The following XYLT1 variants were observed in gnomAD, a reference collection of about 807,000 sequenced individuals.
XYLT1 encodes xylosyltransferase 1, also known as beta-D-xylosyltransferase 1.
A neutral mutation model predicts 91.3 loss-of-function variants in XYLT1; 36 were observed. The ratio of observed to expected loss-of-function variants is 0.39; its 90% CI spans 0.30 to 0.52. The LOEUF is 0.52. Ranked by LOEUF, XYLT1 falls within the 20% of genes least tolerant of loss-of-function variation. The pLI, the probability that XYLT1 is intolerant of heterozygous loss-of-function variation, is 0.68. For synonymous variants in XYLT1, 588 were observed against 532.0 expected, an observed-to-expected ratio of 1.11 and a Z score of -1.45; for missense variants, 1,242 against 1,284.5, an observed-to-expected ratio of 0.97 and a Z score of 0.51.
rs143957511 is a variant in XYLT1 at position 17,350,259 on chromosome 16, G to T, written c.402+7753C>A. Among the ~76,000 whole-genome samples, 736 of 152,306 alleles carry T rather than the reference G, an allele frequency of 4.8e-3. 4 individuals are homozygous for T. Among genetic ancestry groups the T allele is most frequent in the African/African-American group, 0.017 (703 of 41,574 alleles). ...GGTGAAGTCCACTCCCAACAAGAAG[G>T]GGGGAATGGTGATCTCAACACGATC... is the stretch of plus-strand genomic sequence containing the variant. On this transcript the variant is annotated intron_variant, in intron 2 of 11. Coordinates refer to ENST00000261381, the MANE Select transcript of XYLT1 (RefSeq NM_022166.4).
chr16:17,122,832 T>C (rs2030119708), intron 10 of XYLT1, among the ~76,000 whole-genome samples: 1 of 152,234 alleles, frequency 6.6e-6, no homozygotes. Context: ...CACCATTTGT[T>C]GAATAGGGTG....
Position 17,213,626 on chromosome 16 carries a change from C to CT in XYLT1, c.914-12973dup, listed in dbSNP as rs905505459. 1.3e-3 allele frequency among the ~76,000 whole-genome samples: 190 copies of CT among 148,980 alleles called. 1 individual carries two copies. The highest frequency in any genetic ancestry group is 3.0e-3 in the African/African-American group (123 of 40,778). On this transcript the variant is annotated intron_variant, in intron 3 of 11. Transcript: ENST00000261381. ...ATTGGAACAACCTTTCTTTTCTTTT[C>CT]TTTTTTTTTTGAGACTGAGTCTCGC...
At chr16:17,410,664 T>C (rs1158294456) in intron 1 of XYLT1, among the ~76,000 whole-genome samples, 2 of 151,306 alleles carry the variant, frequency 1.3e-5, no homozygotes. Context: ...TTTTTTTTTT[T>C]TGAGATGGAA....
intron 1 of XYLT1, among the ~76,000 whole-genome samples, chr16:17,419,800 G>A (rs1029836527): frequency 6.6e-6 from 1 of 151,642 alleles, no homozygotes; most frequent in African/African-American, 2.4e-5. Flanking sequence ...TAAATTGAAA[G>A]AGAGGGAGCC....
chr16:17,389,858 G>A (rs977704179), intron 1 of XYLT1, among the ~76,000 whole-genome samples: 1 of 152,068 alleles, frequency 6.6e-6, no homozygotes, highest in Non-Finnish European at 1.5e-5. Flanking sequence ...TAAATTTACC[G>A]ACAGCTTAAG....
rs539688732 is a variant in XYLT1, at chr16:17,271,146, CTGTTTTTTGTT to C, written c.403-11659_403-11649del. 3.9e-3 allele frequency among the ~76,000 whole-genome samples: 403 copies of C among 104,446 alleles called. 1 individual carries two copies. Among genetic ancestry groups the C allele is most frequent in the African/African-American group, 0.023 (367 of 15,862 alleles). The allele number at this position is 104,446 out of a possible 152,430, so 68.5% of individuals were successfully genotyped here. ...TTTTCTATGGAGAGAGGCCTCCTAA[CTGTTTTTTGTT>C]TGTTTGTTTGTTTGTTTGTTTTTAA... On this transcript the variant is annotated intron_variant, in intron 2 of 11. Transcript: ENST00000261381.
chr16:17,165,645 CTG>C (rs1171434514), intron 5 of XYLT1, among the ~76,000 whole-genome samples: 4 of 152,130 alleles, frequency 2.6e-5, no homozygotes, highest in African/African-American at 9.7e-5. Context: ...TGAGCCGAGA[CTG>C]TGCCATTGCA....
chr16:17,429,500 C>G (rs938603025), intron 1 of XYLT1, among the ~76,000 whole-genome samples: 6 of 152,180 alleles, frequency 3.9e-5, no homozygotes, highest in African/African-American at 1.4e-4. Context: ...GTTGTAGGGC[C>G]TCATGTCAAA....
At chr16:17,280,099 C>G (rs1175700420) in intron 2 of XYLT1, among the ~76,000 whole-genome samples, 1 of 152,158 alleles carries the variant, frequency 6.6e-6, no homozygotes, top group Non-Finnish European at 1.5e-5. Context: ...GCCTATAATC[C>G]CAGCATTTTG....
chr16:17,388,721 T>G (rs2035779740), intron 1 of XYLT1, among the ~76,000 whole-genome samples: 1 of 151,902 alleles, frequency 6.6e-6, no homozygotes, highest in Admixed American at 6.6e-5. Context: ...CAAAAAGGAG[T>G]TTTCTTTTAA....
In XYLT1 at chr16:17,398,818, G is replaced by GCCA. The variant is rs138120241; in HGVS notation, c.364-40769_364-40768insTGG. 5.5e-3 allele frequency among the ~76,000 whole-genome samples: 464 copies of GCCA among 84,790 alleles called. 38 individuals are homozygous for GCCA. The highest frequency in any genetic ancestry group is 0.019 in the African/African-American group (421 of 21,870). 55.6% of individuals were successfully genotyped at this position (84,790 alleles called of 152,430 possible). A position where few individuals can be genotyped will look rare whatever the true frequency, so the allele number is the denominator to read the frequency against. On this transcript the variant is annotated intron_variant, in intron 1 of 11. Coordinates refer to ENST00000261381, the MANE Select transcript of XYLT1 (RefSeq NM_022166.4). ...TGCATGGCTATGTCCAAATGTCCCC[G>GCCA]CCCCCCCCCACTGTTTTTTTGTTTT...
chr16:17,224,227 C>T (rs966451346), intron 3 of XYLT1, among the ~76,000 whole-genome samples: 1 of 152,184 alleles, frequency 6.6e-6, no homozygotes, highest in Non-Finnish European at 1.5e-5. Flanking sequence ...CTATCAGCGA[C>T]AAGACGGACA....
chr16:17,394,734 T>C (rs2035862304), intron 1 of XYLT1, among the ~76,000 whole-genome samples: 1 of 152,196 alleles, frequency 6.6e-6, no homozygotes, highest in African/African-American at 2.4e-5. Context: ...GGGCACACAA[T>C]TTAACTTCTC....
intron 1 of XYLT1, among the ~76,000 whole-genome samples, chr16:17,465,059 G>A (rs1167493563): frequency 7.3e-6 from 1 of 136,466 alleles, no homozygotes; most frequent in Non-Finnish European, 1.5e-5. Context: ...CACAAGAATT[G>A]CTTGAACCTA....
At position 17,189,465 on chromosome 16, in the gene XYLT1, G is replaced by A. The variant is rs188727288; in HGVS notation, c.1289+8747C>T. On this transcript the variant is annotated intron_variant, in intron 5 of 11. Transcript: ENST00000261381. ...CTGCTGGGCAGAGTCCCATATGATG[G>A]AGCTGCATCTTCTTAAACCAGATGA... 3.9e-5 allele frequency among the ~76,000 whole-genome samples: 6 copies of A among 152,288 alleles called. No individual in the cohort carries two copies. The East Asian group carries it at 7.7e-4, about 20-fold the overall frequency.
chr16:17,374,174 T>C (rs2035568598), intron 1 of XYLT1, among the ~76,000 whole-genome samples: 1 of 152,188 alleles, frequency 6.6e-6, no homozygotes, highest in Admixed American at 6.5e-5. Flanking sequence ...GAATAAAGGC[T>C]CTGTGGTGGG....
chr16:17,118,012 G>A (rs1223680781), intron 10 of XYLT1, 33 bp from the exon 11 acceptor site: 2 of 1,583,336 alleles, frequency 1.3e-6, no homozygotes, highest in East Asian at 2.2e-5. Flanking sequence ...GAAGTCACTG[G>A]GCCTGAACTA....
chr16:17,319,038 T>C (rs1278432135), intron 2 of XYLT1, among the ~76,000 whole-genome samples: 2 of 152,178 alleles, frequency 1.3e-5, no homozygotes, highest in Non-Finnish European at 2.9e-5. Flanking sequence ...TCTGCCCGCC[T>C]ACGCCTTCCA....
intron 3 of XYLT1, among the ~76,000 whole-genome samples, chr16:17,218,256 C>T (rs192867962): frequency 6.9e-4 from 105 of 151,750 alleles, no homozygotes; most frequent in African/African-American, 2.4e-3. Flanking sequence ...GGCTTCCTCT[C>T]AAGAAAAGGC....
Sources: allele counts gnomAD v4.1 joint callset (sites outside exome capture counted in the v4.1 genomes callset), GRCh38; gene constraint gnomAD v4.1.1; transcripts MANE v1.5; gene names NCBI Gene and HGNC (gene_info 2026-07-23, HGNC 2026-07-21).